ATP2A3: variants seen among roughly 807,000 people sequenced by gnomAD.
ATP2A3 encodes ATPase sarcoplasmic/endoplasmic reticulum Ca2+ transporting 3.
A neutral mutation model predicts 106.8 loss-of-function variants in ATP2A3; 61 were observed. The observed-to-expected ratio is 0.57, with a 90% CI of 0.46 to 0.71. The LOEUF (loss-of-function observed/expected upper bound fraction) is 0.71. Among genes scored for constraint, ATP2A3 ranks in the 30% least tolerant of loss-of-function variants. The pLI, the probability that ATP2A3 is intolerant of heterozygous loss-of-function variation, is 0.00. For synonymous variants in ATP2A3, 611 were observed against 609.3 expected (o/e 1.00, Z -0.04); for missense variants, 1,201 against 1,423.5 (o/e 0.84, Z 2.52).
At chr17:3,937,764 T>C (rs1163636636) in intron 14 of ATP2A3, 128 bp from the exon 15 acceptor site, 2 of 973,806 alleles carry the variant, frequency 2.1e-6, no homozygotes, top group African/African-American at 3.2e-5. Flanking sequence ...ACAGAACAAA[T>C]GGTGGGTTCA....
Position 3,924,974 on chromosome 17 carries a change from C to T in ATP2A3, c.*448G>A, listed in dbSNP as rs916348811. The T allele has an allele frequency of 4.4e-5, 17 of 387,966 alleles. No homozygotes were observed. The highest frequency in any genetic ancestry group is 3.9e-5 in the South Asian group (2 of 51,306). The allele number at this position is 387,966 out of a possible 1,614,324, so 24.0% of individuals were successfully genotyped here. On this transcript the variant is annotated 3_prime_UTR_variant, in exon 21 of 21. Coordinates refer to ENST00000397041, the MANE Select transcript of ATP2A3 (RefSeq NM_005173.4). The surrounding 1 kb of genome is among the most constrained non-coding windows in gnomAD (Gnocchi z 6.4). ...CAGGCACGAAGAGAGAGGTCAGAGCCGGTAAGAAGGACCCCCAGAGTCCTC... is the reference window on the plus strand; with the variant it reads ...CAGGCACGAAGAGAGAGGTCAGAGCTGGTAAGAAGGACCCCCAGAGTCCTC...
At chr17:3,939,152 G>A (rs137870539) in intron 14 of ATP2A3, among the ~76,000 whole-genome samples, 4 of 152,276 alleles carry the variant, frequency 2.6e-5, no homozygotes, top group Admixed American at 2.6e-4. Flanking sequence ...GGGCAACAGA[G>A]TGAGACCTCA....
In ATP2A3 at chr17:3,928,950, TTGTC is replaced by T. The variant is rs137889858; in HGVS notation, c.2863-174_2863-171del. On this transcript the variant is annotated intron_variant, in intron 19 of 20. Coordinates refer to ENST00000397041, the MANE Select transcript of ATP2A3 (RefSeq NM_005173.4). The surrounding 1 kb of genome is among the most constrained non-coding windows in gnomAD (Gnocchi z 6.1). Reference sequence around the variant, plus strand: ...TCCACTCAGCTGCACCCCCCGATCTTTGTCTGTTCAGCTGCACCCCCCAATCTTT... The same window carrying T: ...TCCACTCAGCTGCACCCCCCGATCTTTGTTCAGCTGCACCCCCCAATCTTT... Among the ~76,000 whole-genome samples the T allele has an allele frequency of 0.063, 8,712 of 138,942 alleles. 833 individuals carry two copies. Among genetic ancestry groups the T allele is most frequent in the African/African-American group, 0.21 (8,205 of 38,210 alleles). 91.2% of individuals were successfully genotyped at this position (138,942 alleles called of 152,430 possible). A position where few individuals can be genotyped will look rare whatever the true frequency, so the allele number is the denominator to read the frequency against.
chr17:3,961,872 C>T (rs979882668), intron 1 of ATP2A3, among the ~76,000 whole-genome samples: 2 of 152,200 alleles, frequency 1.3e-5, no homozygotes, highest in Non-Finnish European at 2.9e-5. Flanking sequence ...GGCAAAGAGG[C>T]TGGTCCAGCA....
intron 15 of ATP2A3, 110 bp downstream of exon 15, chr17:3,937,305 AG>A (rs1273201261): frequency 7.9e-7 from 1 of 1,270,336 alleles, no homozygotes; most frequent in Admixed American, 2.0e-5. Flanking sequence ...CAGCCAGGGC[AG>A]GGCACAGGCC....
chr17:3,925,514 C>T lies in ATP2A3; in HGVS notation c.2981-73G>A. The T allele has an allele frequency of 6.5e-7, 1 of 1,541,806 alleles. No individual in the cohort carries two copies. The highest frequency in any genetic ancestry group is 8.8e-7 in the Non-Finnish European group (1 of 1,138,460). The stretch of plus-strand genomic sequence containing the variant: ...ACATCCAGACAGCTTCCTTCCAGCC[C>T]CTTCCATCCTCCACTTCTCCCAGGA... On this transcript the variant is annotated intron_variant, in intron 20 of 20. Transcript: ENST00000397041. The surrounding 1 kb of genome is among the most constrained non-coding windows in gnomAD (Gnocchi z 4.2).
At chr17:3,956,917 G>A (rs1057270694) in intron 1 of ATP2A3, among the ~76,000 whole-genome samples, 1 of 152,256 alleles carries the variant, frequency 6.6e-6, no homozygotes, top group Admixed American at 6.5e-5. Flanking sequence ...CCAGCTCCTT[G>A]TGGGGCCTTG....
chr17:3,927,915 C>A, intron 20 of ATP2A3: 1 of 1,606,006 alleles, frequency 6.2e-7, no homozygotes, highest in Non-Finnish European at 8.5e-7. Flanking sequence ...CCAACCTAGG[C>A]CCCTGCACAG....
intron 5 of ATP2A3, among the ~76,000 whole-genome samples, 162 bp from the exon 6 acceptor site, chr17:3,950,935 A>C (rs113678479): frequency 0.016 from 2,361 of 152,192 alleles, 72 homozygotes; most frequent in African/African-American, 0.054. Flanking sequence ...TCATCTGTCC[A>C]ACAGGGTTTT....
At chr17:3,939,607 T>A (rs1310541347) in intron 14 of ATP2A3, among the ~76,000 whole-genome samples, 1 of 151,216 alleles carries the variant, frequency 6.6e-6, no homozygotes, top group African/African-American at 2.4e-5. Context: ...GCCAATGTGG[T>A]GAAACCCCGT....
intron 15 of ATP2A3, chr17:3,937,210 C>A: frequency 3.1e-6 from 2 of 644,940 alleles, no homozygotes; most frequent in East Asian, 5.6e-5. Flanking sequence ...CTGGGGTGAC[C>A]ATGATCCATA....
intron 8 of ATP2A3, 171 bp from the exon 9 acceptor site, chr17:3,945,319 C>T: frequency 1.8e-6 from 1 of 559,512 alleles, no homozygotes; most frequent in South Asian, 2.2e-5. Context: ...CAGGCTGAGG[C>T]AGGGACCGTC....
At chr17:3,962,862 C>A (rs2055215453) in intron 1 of ATP2A3, among the ~76,000 whole-genome samples, 1 of 152,208 alleles carries the variant, frequency 6.6e-6, no homozygotes, top group African/African-American at 2.4e-5. Context: ...GGACCGCAGA[C>A]CTGCCTGCGC....
At chr17:3,945,606 G>A (rs1397581443) in intron 8 of ATP2A3, among the ~76,000 whole-genome samples, 2 of 152,324 alleles carry the variant, frequency 1.3e-5, no homozygotes, top group East Asian at 3.9e-4. Flanking sequence ...CCTCTCTGGG[G>A]CACAGACCCC....
At chr17:3,954,298 C>T (rs2054627626) in intron 1 of ATP2A3, among the ~76,000 whole-genome samples, 2 of 152,054 alleles carry the variant, frequency 1.3e-5, no homozygotes, top group South Asian at 2.1e-4. Context: ...CACAGCAGGG[C>T]TCCCCTGGAC....
intron 5 of ATP2A3, 99 bp from the exon 6 acceptor site, chr17:3,950,872 G>A (rs573988799): frequency 1.1e-5 from 13 of 1,202,756 alleles, no homozygotes; most frequent in African/African-American, 3.0e-5. Flanking sequence ...GCTGGGCGTC[G>A]GGTGCCTGAG....
Position 3,947,614 on chromosome 17 carries a change from C to G in ATP2A3, c.872G>C (p.Gly291Ala). 1 of 1,612,494 alleles carries G rather than the reference C, an allele frequency of 6.2e-7. No individual in the cohort carries two copies. Among genetic ancestry groups the G allele is most frequent in the Non-Finnish European group, 8.5e-7 (1 of 1,179,904 alleles). ...DPAHGGSWLR[G>A]AVYYFKIAVA... ...GGCGATCTTGAAGTAGTAGACAGCG[C>G]CACGCAGCCAGGAGCCACCGTGGGC... Residue 291 changes from glycine (G) to alanine (A), a missense_variant, in exon 8 of 21, where the codon GGC (glycine) becomes GCC (alanine). By Grantham distance (60) the Gly-to-Ala change is moderately conservative (BLOSUM62 0). Transcript: ENST00000397041. The surrounding 1 kb of genome is among the most constrained non-coding windows in gnomAD (Gnocchi z 7.7).
At chr17:3,956,445 G>A (rs1252758092) in intron 1 of ATP2A3, among the ~76,000 whole-genome samples, 1 of 152,246 alleles carries the variant, frequency 6.6e-6, no homozygotes, top group African/African-American at 2.4e-5. Context: ...AGAATGTTCT[G>A]TGAGAGCAGA....
Position 3,930,377 on chromosome 17 carries a change from C to T in ATP2A3, c.2668G>A (p.Val890Met), listed in dbSNP as rs150775059. Residue 890 changes from valine to methionine, a missense_variant, in exon 18 of 21, where the codon GTG (valine) becomes ATG (methionine). This residue lies in a region of ATP2A3 where 935 missense variants were observed against 1,176.7 expected (regional missense o/e 0.79). Coordinates refer to ENST00000397041, the MANE Select transcript of ATP2A3 (RefSeq NM_005173.4). This position sits in a 1 kb window ranked among gnomAD's most constrained non-coding sequence, Gnocchi z 5.4. ...NPLFAGIDCE[V>M]FESRFPTTMA... Reference sequence around the variant, plus strand: ...GTGGTGGGGAAGCGTGACTCGAACACCTCACAGTCGATGCCGGCAAAGAGC... The same window carrying T: ...GTGGTGGGGAAGCGTGACTCGAACATCTCACAGTCGATGCCGGCAAAGAGC... The T allele has an allele frequency of 2.1e-4, 332 of 1,613,832 alleles. No homozygotes were observed. Among genetic ancestry groups the T allele is most frequent in the Non-Finnish European group, 2.7e-4 (318 of 1,179,976 alleles).
Sources: allele counts gnomAD v4.1 joint callset (sites outside exome capture counted in the v4.1 genomes callset), GRCh38; gene constraint gnomAD v4.1.1; regional missense constraint gnomAD v4.1.1; non-coding constraint Gnocchi (gnomAD v3.1); transcripts MANE v1.5; gene names NCBI Gene and HGNC (gene_info 2026-07-23, HGNC 2026-07-21).